The following HSD17B3 variants were observed in gnomAD, a reference collection of about 807,000 sequenced individuals.
HSD17B3 encodes the protein hydroxysteroid 17-beta dehydrogenase 3, also known as 17-beta-hydroxysteroid dehydrogenase type 3.
A neutral mutation model predicts 41.1 loss-of-function variants in HSD17B3; 29 were observed. That is an observed-to-expected ratio of 0.71 (90% CI 0.53 to 0.96). HSD17B3 has a LOEUF of 0.96. HSD17B3 is among the 40% of genes least tolerant of loss of function. The pLI is 0.00. For synonymous variants in HSD17B3, 126 were observed against 145.6 expected, an observed-to-expected ratio of 0.87 and a Z score of 0.97; for missense variants, 323 against 374.6, an observed-to-expected ratio of 0.86 and a Z score of 1.14.
chr9:96,299,602 A>G (rs8190495), intron 1 of HSD17B3, among the ~76,000 whole-genome samples: 45,763 of 152,098 alleles, frequency 0.3, 7,577 homozygotes, highest in Non-Finnish European at 0.38. Context: ...AATGTTCAAA[A>G]CAAACCTAAA....
rs749630404 is a variant in HSD17B3, at chr9:96,235,366, G to A, written c.*94C>T. The stretch of plus-strand genomic sequence containing the variant: ...GACCCCAGCCCCCTCCATCTTCAGC[G>A]GACTAGGTTGAAGTGCTGGTCTGCT... On this transcript the variant is annotated 3_prime_UTR_variant, in exon 11 of 11. Transcript: ENST00000375263. The A allele has an allele frequency of 8.8e-5, 75 of 848,996 alleles. No individual in the cohort carries two copies. Among genetic ancestry groups the A allele is most frequent in the Non-Finnish European group, 1.3e-4 (68 of 505,552 alleles). 52.6% of individuals were successfully genotyped at this position (848,996 alleles called of 1,614,324 possible). A position where few individuals can be genotyped will look rare whatever the true frequency, so the allele number is the denominator to read the frequency against.
At chr9:96,283,676 A>G (rs926905486) in intron 2 of HSD17B3, among the ~76,000 whole-genome samples, 5 of 152,112 alleles carry the variant, frequency 3.3e-5, no homozygotes. Flanking sequence ...TTTGTCAATC[A>G]TGTTTTTTAC....
intron 2 of HSD17B3, among the ~76,000 whole-genome samples, chr9:96,256,503 C>T (rs1009581347): frequency 2.0e-5 from 3 of 151,764 alleles, no homozygotes; most frequent in Non-Finnish European, 4.4e-5. Context: ...TAAAAATAAA[C>T]AAATAAATAA....
intron 2 of HSD17B3, among the ~76,000 whole-genome samples, chr9:96,259,387 A>G (rs968839048): frequency 2.6e-5 from 4 of 152,284 alleles, no homozygotes; most frequent in South Asian, 4.1e-4. Context: ...CCATCAGCGC[A>G]AGTCAGTTGT....
At chr9:96,262,505 A>G (rs1358784030) in intron 2 of HSD17B3, among the ~76,000 whole-genome samples, 1 of 151,682 alleles carries the variant, frequency 6.6e-6, no homozygotes, top group African/African-American at 2.4e-5. Context: ...CAGCCTCCCA[A>G]AGTGTTGGGA....
chr9:96,251,148 C>A, intron 5 of HSD17B3: 1 of 531,212 alleles, frequency 1.9e-6, no homozygotes. Context: ...TAGAGTGCAG[C>A]ACCCCAGAAG....
intron 2 of HSD17B3, among the ~76,000 whole-genome samples, chr9:96,269,346 G>A (rs11788785): frequency 0.17 from 25,129 of 152,150 alleles, 2,583 homozygotes; most frequent in East Asian, 0.55. Context: ...TAGGTAAGCT[G>A]TGACCCAGTA....
chr9:96,241,517 C>G (rs1836437620), intron 9 of HSD17B3, among the ~76,000 whole-genome samples: 1 of 152,184 alleles, frequency 6.6e-6, no homozygotes, highest in Admixed American at 6.5e-5. Flanking sequence ...AAAACAATCA[C>G]ACATTGTGCC....
At chr9:96,258,552 T>G (rs1825747763) in intron 2 of HSD17B3, among the ~76,000 whole-genome samples, 1 of 152,246 alleles carries the variant, frequency 6.6e-6, no homozygotes, top group Admixed American at 6.5e-5. Flanking sequence ...TGCATATTTT[T>G]GGCCTCATTA....
At chr9:96,301,836 G>A (rs550190557) in intron 1 of HSD17B3, 115 bp downstream of exon 1, 38 of 1,130,076 alleles carry the variant, frequency 3.4e-5, no homozygotes, top group Admixed American at 5.2e-5. Context: ...AGCCAAGATC[G>A]CGCCATTGCA....
At chr9:96,255,405 TTTG>T in intron 2 of HSD17B3, among the ~76,000 whole-genome samples, 2 of 93,638 alleles carry the variant, frequency 2.1e-5, no homozygotes, top group Admixed American at 1.2e-4. Context: ...TTTTTTTTTT[TTTG>T]CAATAGAGTC....
At chr9:96,247,864 G>A (rs979584163) in intron 6 of HSD17B3, among the ~76,000 whole-genome samples, 4 of 152,006 alleles carry the variant, frequency 2.6e-5, no homozygotes, top group Non-Finnish European at 5.9e-5. Context: ...TCCCTGCCCC[G>A]AAAGAGAACT....
chr9:96,297,669 C>T (rs1827418868), intron 2 of HSD17B3, among the ~76,000 whole-genome samples: 1 of 152,080 alleles, frequency 6.6e-6, no homozygotes, highest in Non-Finnish European at 1.5e-5. Flanking sequence ...TTTTAAACAG[C>T]TTTCCTCTTA....
In HSD17B3 at chr9:96,298,415, C is replaced by A. The variant is rs746001525; in HGVS notation, c.201+1G>T. 1.9e-6 allele frequency: 3 copies of A among 1,613,048 alleles called. No individual in the cohort carries two copies. On this transcript the variant is annotated splice_donor_variant, in intron 2 of 10. Coordinates refer to ENST00000375263, the MANE Select transcript of HSD17B3 (RefSeq NM_000197.2). LOFTEE classifies it high-confidence loss of function. ...AGAAAGTCCCCAGGAAGATAGCTTA[C>A]CTCGAACGAGTACGCTTTCCCAATT...
At chr9:96,300,873 G>C (rs1331534769) in intron 1 of HSD17B3, among the ~76,000 whole-genome samples, 2 of 151,972 alleles carry the variant, frequency 1.3e-5, no homozygotes, top group African/African-American at 4.8e-5. Flanking sequence ...GCGTTGCCTT[G>C]ATTTTGTAAC....
At chr9:96,276,701 G>A (rs377237144) in intron 2 of HSD17B3, among the ~76,000 whole-genome samples, 3 of 152,138 alleles carry the variant, frequency 2.0e-5, no homozygotes, top group Non-Finnish European at 4.4e-5. Context: ...CTAGATATCC[G>A]CATGCAGAAA....
chr9:96,250,506 A>C (rs1006305484), intron 5 of HSD17B3: 1 of 1,044,634 alleles, frequency 9.6e-7, no homozygotes, highest in African/African-American at 1.7e-5. Flanking sequence ...GGGGAATGGA[A>C]GCATGAGAGC....
intron 4 of HSD17B3, 105 bp downstream of exon 4, chr9:96,252,698 A>G: frequency 1.3e-6 from 1 of 774,698 alleles, no homozygotes; most frequent in South Asian, 1.4e-5. Context: ...AAATACAGTC[A>G]TGGTTTGAGT....
At position 96,250,362 on chromosome 9, in the gene HSD17B3, C is replaced by T. The variant is rs559102723; in HGVS notation, c.454-576G>A. 5 of 1,074,238 alleles carry T rather than the reference C, an allele frequency of 4.7e-6. No individual in the cohort carries two copies. In the African/African-American group the frequency reaches 6.5e-5, roughly 14 times the overall value. 66.5% of individuals were successfully genotyped at this position (1,074,238 alleles called of 1,614,324 possible). A position where few individuals can be genotyped will look rare whatever the true frequency, so the allele number is the denominator to read the frequency against. On this transcript the variant is annotated intron_variant, in intron 5 of 10. Coordinates refer to ENST00000375263, the MANE Select transcript of HSD17B3 (RefSeq NM_000197.2). ...AACAGAGTGTGGGAGACAGAGCCCA[C>T]ACAGGAGATGTGTGGTCCAGAGAGG...
Sources: gnomAD v4.1 joint callset for allele counts (sites outside exome capture counted in the v4.1 genomes callset) on GRCh38, gnomAD v4.1.1 for gene constraint, MANE v1.5 for transcripts, NCBI Gene and HGNC (gene_info 2026-07-23, HGNC 2026-07-21) for gene names.